The following SLC39A11 variants were observed in gnomAD, a reference collection of about 807,000 sequenced individuals.
The protein encoded by SLC39A11 is zinc transporter ZIP11.
SLC39A11 carries 33 observed loss-of-function variants against 36.1 expected under a neutral mutation model. The observed-to-expected ratio is 0.91, with a 90% CI of 0.69 to 1.22. The LOEUF (loss-of-function observed/expected upper bound fraction) is 1.22. SLC39A11 is among the 50% of genes most tolerant of loss of function. The pLI, the probability that SLC39A11 is intolerant of heterozygous loss-of-function variation, is 0.00. For missense variants in SLC39A11, 432 were observed against 430.3 expected, an observed-to-expected ratio of 1.00 and a Z score of -0.03; for synonymous variants, 166 against 170.3, an observed-to-expected ratio of 0.97 and a Z score of 0.20.
At chr17:72,780,526 G>GGGA (rs1568079362) in intron 6 of SLC39A11, among the ~76,000 whole-genome samples, 26 of 113,188 alleles carry the variant, frequency 2.3e-4, no homozygotes, top group African/African-American at 1.0e-3. Context: ...AAGATGGGGG[G>GGGA]CGGGTGGGGG....
intron 4 of SLC39A11, among the ~76,000 whole-genome samples, chr17:72,970,476 A>G (rs1460384316): frequency 6.6e-6 from 1 of 152,214 alleles, no homozygotes; most frequent in Non-Finnish European, 1.5e-5. Flanking sequence ...TTCTGAGCAA[A>G]TGTGCTGCTG....
chr17:72,809,420 C>T (rs983842537), intron 6 of SLC39A11, among the ~76,000 whole-genome samples: 3 of 152,086 alleles, frequency 2.0e-5, no homozygotes, highest in African/African-American at 4.8e-5. Context: ...GTTTGCGATC[C>T]CATCTCTACT....
intron 4 of SLC39A11, among the ~76,000 whole-genome samples, chr17:72,968,817 G>C (rs377576933): frequency 6.6e-6 from 1 of 152,142 alleles, no homozygotes; most frequent in East Asian, 1.9e-4. Context: ...CACAATCCCT[G>C]GGCCTCCCAG....
intron 7 of SLC39A11, among the ~76,000 whole-genome samples, chr17:72,728,387 A>G (rs964890797): frequency 6.6e-6 from 1 of 152,260 alleles, no homozygotes; most frequent in Middle Eastern, 3.4e-3. Context: ...GGGTGCAGTG[A>G]GCCATGATTG....
At chr17:72,649,528 C>T (rs1165056139) in intron 7 of SLC39A11, among the ~76,000 whole-genome samples, 2 of 152,262 alleles carry the variant, frequency 1.3e-5, no homozygotes, top group Admixed American at 6.5e-5. Flanking sequence ...TGCTTTGCTA[C>T]AGCACAGAAC....
intron 6 of SLC39A11, among the ~76,000 whole-genome samples, chr17:72,816,392 A>AG (rs35986338): frequency 0.015 from 2,346 of 152,048 alleles, 71 homozygotes; most frequent in African/African-American, 0.054. Context: ...TTCTCCTGCC[A>AG]GGGAAAAAAA....
chr17:72,784,516 A>C (rs900127332), intron 6 of SLC39A11, among the ~76,000 whole-genome samples: 1 of 152,102 alleles, frequency 6.6e-6, no homozygotes, highest in Admixed American at 6.5e-5. Flanking sequence ...TTGGTGATAT[A>C]GTTCGGATAT....
intron 4 of SLC39A11, among the ~76,000 whole-genome samples, chr17:72,967,601 A>G (rs1292385078): frequency 6.6e-6 from 1 of 152,160 alleles, no homozygotes; most frequent in African/African-American, 2.4e-5. Flanking sequence ...CAGGAAAAAT[A>G]ATCCGTGACG....
chr17:72,842,812 T>A (rs1400302613), intron 6 of SLC39A11, among the ~76,000 whole-genome samples: 2 of 152,218 alleles, frequency 1.3e-5, no homozygotes, highest in African/African-American at 2.4e-5. Context: ...GCACTCTGTT[T>A]CTGGAGTCTG....
Position 72,803,640 on chromosome 17 carries a change from G to A in SLC39A11, c.601+45994C>T, listed in dbSNP as rs898039032. Among the ~76,000 whole-genome samples the A allele has an allele frequency of 5.3e-5, 8 of 152,236 alleles. No individual in the cohort carries two copies. The South Asian group carries it at 8.3e-4, about 16-fold the overall frequency. On this transcript the variant is annotated intron_variant, in intron 6 of 9. Coordinates refer to ENST00000255559, the MANE Select transcript of SLC39A11 (RefSeq NM_139177.4). ...AATAGTCCCACTGAGAGATGACTCC[G>A]CTCCAGCCAGGTTCTCAGCTCCTGG...
chr17:73,054,376 C>CAAAAAAACA (rs1555696008), intron 3 of SLC39A11, among the ~76,000 whole-genome samples: 3 of 139,648 alleles, frequency 2.1e-5, no homozygotes, highest in African/African-American at 7.7e-5. Context: ...AACAAAAAAA[C>CAAAAAAACA]AAAAAAAAAA....
intron 2 of SLC39A11, 55 bp downstream of exon 2, chr17:73,088,602 C>A: frequency 2.9e-6 from 4 of 1,403,266 alleles, no homozygotes; most frequent in Non-Finnish European, 4.0e-6. Context: ...TGGGACAGTG[C>A]CCCTTTACCA....
At chr17:72,887,551 C>T (rs1375724776) in intron 5 of SLC39A11, among the ~76,000 whole-genome samples, 1 of 152,232 alleles carries the variant, frequency 6.6e-6, no homozygotes, top group East Asian at 1.9e-4. Context: ...TCAACAGTTT[C>T]CCGTCTTCCG....
At chr17:72,894,022 C>A (rs1312990420) in intron 5 of SLC39A11, among the ~76,000 whole-genome samples, 1 of 152,018 alleles carries the variant, frequency 6.6e-6, no homozygotes, top group Non-Finnish European at 1.5e-5. Context: ...AGTATGTAAA[C>A]TGATAAAGTT....
intron 4 of SLC39A11, among the ~76,000 whole-genome samples, chr17:73,019,643 C>G (rs2058278081): frequency 6.6e-6 from 1 of 151,912 alleles, no homozygotes; most frequent in Non-Finnish European, 1.5e-5. Context: ...AGTAAAGAAA[C>G]TAAAATGGAA....
chr17:72,993,590 C>T (rs1219032042), intron 4 of SLC39A11, among the ~76,000 whole-genome samples: 1 of 152,208 alleles, frequency 6.6e-6, no homozygotes, highest in Non-Finnish European at 1.5e-5. Flanking sequence ...ACTAATCAAT[C>T]CTTTTCCCAC....
intron 7 of SLC39A11, among the ~76,000 whole-genome samples, chr17:72,655,368 G>T (rs1453252252): frequency 6.6e-6 from 1 of 152,234 alleles, no homozygotes; most frequent in African/African-American, 2.4e-5. Flanking sequence ...ATCAGCTCCA[G>T]AGTGGGATTT....
At chr17:72,874,694 C>A (rs1202817623) in intron 5 of SLC39A11, among the ~76,000 whole-genome samples, 1 of 152,114 alleles carries the variant, frequency 6.6e-6, no homozygotes, top group East Asian at 1.9e-4. Context: ...AAAGAGCGAG[C>A]CCTGAAAAAT....
intron 7 of SLC39A11, among the ~76,000 whole-genome samples, chr17:72,653,406 T>TC (rs1282713833): frequency 6.7e-6 from 1 of 149,244 alleles, no homozygotes; most frequent in Non-Finnish European, 1.5e-5. Context: ...ACTGCACCCT[T>TC]TTTTTTTGTT....
Sources: gnomAD v4.1 joint callset for allele counts (sites outside exome capture counted in the v4.1 genomes callset) on GRCh38, gnomAD v4.1.1 for gene constraint, MANE v1.5 for transcripts, NCBI Gene and HGNC (gene_info 2026-07-23, HGNC 2026-07-21) for gene names.